The following PPFIA2 variants were observed in gnomAD, a reference collection of about 807,000 sequenced individuals.
PPFIA2 encodes the protein liprin-alpha-2.
PPFIA2 carries 46 observed loss-of-function variants against 175.5 expected under a neutral mutation model. The observed-to-expected ratio is 0.26, with a 90% CI of 0.21 to 0.34. The LOEUF (loss-of-function observed/expected upper bound fraction) is 0.34. Among genes scored for constraint, PPFIA2 ranks in the 10% least tolerant of loss-of-function variants. The probability of loss-of-function intolerance (pLI) is 1.00; values close to 1 mark genes in which losing one functional copy is unlikely to be tolerated. For missense variants in PPFIA2, 1,179 were observed against 1,506.1 expected (o/e 0.78, Z 3.60); for synonymous variants, 568 against 511.4 (o/e 1.11, Z -1.49).
chr12:81,727,073 G>T (rs956931984), intron 3 of PPFIA2, among the ~76,000 whole-genome samples: 6 of 151,272 alleles, frequency 4.0e-5, no homozygotes, highest in African/African-American at 1.2e-4. Flanking sequence ...GGCTTTTGTT[G>T]TTATGGCAAC....
At chr12:81,519,802 C>T (rs1056251637) in intron 4 of PPFIA2, among the ~76,000 whole-genome samples, 10 of 152,150 alleles carry the variant, frequency 6.6e-5, no homozygotes, top group African/African-American at 2.4e-4. Flanking sequence ...TACAGTCCCC[C>T]GTTATCCATG....
intron 4 of PPFIA2, among the ~76,000 whole-genome samples, chr12:81,648,786 T>C (rs1239366056): frequency 6.6e-6 from 1 of 150,672 alleles, no homozygotes. Context: ...GGCAAAAAGA[T>C]AGACTTACAG....
Position 81,374,140 on chromosome 12 carries a change from TACA to T in PPFIA2, c.1266+491_1266+493del, listed in dbSNP as rs890051218. On this transcript the variant is annotated intron_variant, in intron 11 of 32. Transcript: ENST00000549396. Reference sequence around the variant, plus strand: ...ATTGATTTTAATTTTCAGATGAAATTACAACTATAAAACTGCTTTCTGATTTTT... The same window carrying T: ...ATTGATTTTAATTTTCAGATGAAATTACTATAAAACTGCTTTCTGATTTTT... Among the ~76,000 whole-genome samples, 89 of 152,202 alleles carry T rather than the reference TACA, an allele frequency of 5.8e-4. 4 individuals are homozygous for T. In the Middle Eastern group the frequency reaches 0.051, roughly 87 times the overall value.
At chr12:81,401,094 G>A (rs929002452) in intron 8 of PPFIA2, among the ~76,000 whole-genome samples, 90 of 152,006 alleles carry the variant, frequency 5.9e-4, no homozygotes, top group Non-Finnish European at 8.4e-4. Flanking sequence ...CCTTGTACGG[G>A]TCCCTTGATC....
At chr12:81,707,916 G>T (rs547071160) in intron 3 of PPFIA2, among the ~76,000 whole-genome samples, 70 of 149,690 alleles carry the variant, frequency 4.7e-4, no homozygotes, top group East Asian at 1.8e-3. Context: ...GTAAACTATC[G>T]CAAGAACAAA....
intron 3 of PPFIA2, among the ~76,000 whole-genome samples, chr12:81,730,709 T>C (rs1340328518): frequency 6.6e-6 from 1 of 151,618 alleles, no homozygotes; most frequent in Non-Finnish European, 1.5e-5. Context: ...GAAAAGCAAC[T>C]AACCTTGATA....
At chr12:81,295,387 T>C (rs1416786953) in intron 23 of PPFIA2, among the ~76,000 whole-genome samples, 1 of 152,174 alleles carries the variant, frequency 6.6e-6, no homozygotes, top group African/African-American at 2.4e-5. Context: ...GATAAGGGAC[T>C]CAATTAATGT....
intron 4 of PPFIA2, among the ~76,000 whole-genome samples, chr12:81,570,675 C>A (rs2072348633): frequency 6.7e-6 from 1 of 149,392 alleles, no homozygotes; most frequent in African/African-American, 2.4e-5. Flanking sequence ...TATCTCATTC[C>A]TTTAAAAAAT....
chr12:81,306,215 C>T (rs1381153837), intron 22 of PPFIA2, among the ~76,000 whole-genome samples: 1 of 151,656 alleles, frequency 6.6e-6, no homozygotes, highest in Non-Finnish European at 1.5e-5. Flanking sequence ...CTTACACTGA[C>T]ATTAAAGAAA....
At chr12:81,466,781 G>A (rs1008350750) in intron 4 of PPFIA2, among the ~76,000 whole-genome samples, 2 of 151,362 alleles carry the variant, frequency 1.3e-5, no homozygotes, top group Non-Finnish European at 2.9e-5. Flanking sequence ...CCCCACAATG[G>A]CTGTTCTGCT....
Position 81,295,053 on chromosome 12 carries a change from A to G in PPFIA2, c.2725-18T>C, listed in dbSNP as rs757420979. On this transcript the variant is annotated intron_variant, in intron 23 of 32. Transcript: ENST00000549396. Reference sequence around the variant, plus strand: ...AACCAAAGCTGTTAGATAGGAAAAAATACACTAACAAATTATAATAATAGT... The same window carrying G: ...AACCAAAGCTGTTAGATAGGAAAAAGTACACTAACAAATTATAATAATAGT... 1 of 1,604,018 alleles carries G rather than the reference A, an allele frequency of 6.2e-7. No homozygotes were observed. Among genetic ancestry groups the G allele is most frequent in the East Asian group, 2.3e-5 (1 of 44,442 alleles).
chr12:81,355,317 T>G (rs548636951), intron 16 of PPFIA2, among the ~76,000 whole-genome samples: 2 of 152,216 alleles, frequency 1.3e-5, no homozygotes, highest in Non-Finnish European at 2.9e-5. Flanking sequence ...TAAACCATGC[T>G]GTAAACAAAT....
chr12:81,335,863 T>C (rs1190077149), intron 21 of PPFIA2, among the ~76,000 whole-genome samples: 1 of 152,142 alleles, frequency 6.6e-6, no homozygotes, highest in Non-Finnish European at 1.5e-5. Context: ...GCTTCCTCTG[T>C]TAGGTGGGTT....
intron 3 of PPFIA2, among the ~76,000 whole-genome samples, chr12:81,746,762 T>C (rs923590577): frequency 1.4e-5 from 2 of 143,572 alleles, no homozygotes; most frequent in Non-Finnish European, 3.1e-5. Flanking sequence ...AATATTCATA[T>C]ACCAGAAGGG....
rs1555486015 is a variant in PPFIA2, at chr12:81,559,813, T to TTTG, written c.304-101950_304-101948dup. On this transcript the variant is annotated intron_variant, in intron 4 of 32. Coordinates refer to ENST00000549396, the MANE Select transcript of PPFIA2 (RefSeq NM_003625.5). ...TACATGATGCTTAGTTGTTTTTTTT[T>TTTG]TTGTTGTTGTTTTTTTGCAATCTTC... 8.0e-4 allele frequency among the ~76,000 whole-genome samples: 121 copies of TTTG among 151,934 alleles called. 1 individual carries two copies. Among genetic ancestry groups the TTTG allele is most frequent in the African/African-American group, 2.8e-3 (116 of 41,470 alleles).
intron 4 of PPFIA2, among the ~76,000 whole-genome samples, chr12:81,618,695 A>AT (rs550730810): frequency 0.012 from 1,851 of 150,812 alleles, 45 homozygotes; most frequent in East Asian, 0.043. Context: ...CGCCCAGCTA[A>AT]TTTTTTTTTG....
rs2153523080 is a variant in PPFIA2 at position 81,645,166 on chromosome 12, A to AGAAAGAGAGATAAAGG, written c.303+31609_303+31624dup. ...GGTATTCAGAAGGAAAAGGAAATAA[A>AGAAAGAGAGATAAAGG]GAAAGAGAGATAAAGGGAAAGAGAG... On this transcript the variant is annotated intron_variant, in intron 4 of 32. Transcript: ENST00000549396. Among the ~76,000 whole-genome samples the AGAAAGAGAGATAAAGG allele has an allele frequency of 2.0e-5, 3 of 152,206 alleles. No individual in the cohort carries two copies. The South Asian group carries it at 6.2e-4, about 32-fold the overall frequency.
intron 4 of PPFIA2, among the ~76,000 whole-genome samples, chr12:81,584,995 TAATATATTAATTATATTTATATATAA>T (rs2075058014): frequency 3.9e-5 from 1 of 25,840 alleles, no homozygotes; most frequent in Non-Finnish European, 8.8e-5. Context: ...TATTTATATA[TAATATATTAATTATATTTATATATAA>T]TATATTAATT....
intron 4 of PPFIA2, among the ~76,000 whole-genome samples, chr12:81,625,561 T>C (rs1218263808): frequency 2.0e-5 from 3 of 151,890 alleles, no homozygotes; most frequent in Non-Finnish European, 4.4e-5. Context: ...GTATCTATTA[T>C]GTGTCACTAG....
Sources: gnomAD v4.1 joint callset for allele counts (sites outside exome capture counted in the v4.1 genomes callset) on GRCh38, gnomAD v4.1.1 for gene constraint, MANE v1.5 for transcripts, NCBI Gene and HGNC (gene_info 2026-07-23, HGNC 2026-07-21) for gene names.